Variants in COA8 observed in about 807,000 individuals in gnomAD.
The protein encoded by COA8 is cytochrome c oxidase assembly factor 8.
COA8 carries 20 observed loss-of-function variants against 22.0 expected under a neutral mutation model. The observed-to-expected ratio is 0.91, with a 90% CI of 0.64 to 1.32. COA8 has a LOEUF of 1.32. Among genes scored for constraint, COA8 ranks in the 40% most tolerant of loss-of-function variants. The pLI is 0.00. For missense variants in COA8, 266 were observed against 230.0 expected (o/e 1.16, Z -1.01); for synonymous variants, 105 against 79.9 (o/e 1.31, Z -1.68).
At position 103,587,326 on chromosome 14, in the gene COA8, T is replaced by A. The variant is rs2076315331; in HGVS notation, c.438T>A (p.Phe146Leu). Residue 146 changes from phenylalanine to leucine, a missense_variant, in exon 4 of 5, where the codon TTT (phenylalanine) becomes TTA (leucine). By Grantham distance (22) the Phe-to-Leu change is conservative (BLOSUM62 0). Coordinates refer to ENST00000409074, the MANE Select transcript of COA8 (RefSeq NM_001370595.2). ...AEEMADFYKE[F>L]LSKNFQKHMY... ...AAATGGCGGACTTCTACAAGGAATT[T>A]TTAAGTAAAAATTTTCAGAAGCACA... 1 of 1,613,266 alleles carries A rather than the reference T, an allele frequency of 6.2e-7. No homozygotes were observed. Among genetic ancestry groups the A allele is most frequent in the South Asian group, 1.1e-5 (1 of 91,004 alleles).
Position 103,580,506 on chromosome 14 carries a change from G to GT in COA8, c.385+6342dup, listed in dbSNP as rs1205993628. Among the ~76,000 whole-genome samples, 4 of 149,182 alleles carry GT rather than the reference G, an allele frequency of 2.7e-5. No homozygotes were observed. The East Asian group carries it at 8.0e-4, about 30-fold the overall frequency. ...TTTTTTGTTTTTTGTGGTTTTTTTT[G>GT]TTTTTTGAAGCGGAGTCTCACTCTG... On this transcript the variant is annotated intron_variant, in intron 3 of 4. Coordinates refer to ENST00000409074, the MANE Select transcript of COA8 (RefSeq NM_001370595.2).
At chr14:103,585,841 T>C (rs1160308576) in intron 3 of COA8, among the ~76,000 whole-genome samples, 14 of 152,036 alleles carry the variant, frequency 9.2e-5, no homozygotes. Context: ...CCCAAAGTGC[T>C]GGGATTACAG....
intron 4 of COA8, among the ~76,000 whole-genome samples, chr14:103,589,507 G>T (rs1363429801): frequency 1.3e-5 from 2 of 152,112 alleles, no homozygotes; most frequent in East Asian, 3.8e-4. Context: ...TACTTAAGAG[G>T]CTGAGGCAGA....
chr14:103,583,462 A>G (rs2076282815), intron 3 of COA8, among the ~76,000 whole-genome samples: 1 of 149,848 alleles, frequency 6.7e-6, no homozygotes, highest in Admixed American at 6.8e-5. Context: ...AATTTGCTGG[A>G]ACCCGGGAGG....
At chr14:103,587,507 T>TA in intron 4 of COA8, 143 bp downstream of exon 4, 1 of 485,908 alleles carries the variant, frequency 2.1e-6, no homozygotes, top group Non-Finnish European at 3.6e-6. Context: ...TTTCTTTTTT[T>TA]CTTTTTTTTT....
chr14:103,570,147 G>A (rs898687791), intron 1 of COA8, among the ~76,000 whole-genome samples: 1 of 152,048 alleles, frequency 6.6e-6, no homozygotes, highest in African/African-American at 2.4e-5. Context: ...GTGAGCCACC[G>A]CACCTGGCTA....
At chr14:103,574,425 C>T (rs1401896733) in intron 3 of COA8, 6 of 632,104 alleles carry the variant, frequency 9.5e-6, no homozygotes, top group Non-Finnish European at 1.8e-5. Context: ...TGACCTTTGA[C>T]TTTCGTACTG....
At chr14:103,563,631 T>C (rs920424230) in intron 1 of COA8, among the ~76,000 whole-genome samples, 4 of 152,234 alleles carry the variant, frequency 2.6e-5, no homozygotes, top group Non-Finnish European at 5.9e-5. Context: ...AAAGAATGTC[T>C]GTAGCAAGAA....
Position 103,590,553 on chromosome 14 carries a change from T to C in COA8, c.*267T>C, listed in dbSNP as rs1241094427. 2.4e-5 allele frequency: 9 copies of C among 374,168 alleles called. No individual in the cohort carries two copies. Among genetic ancestry groups the C allele is most frequent in the South Asian group, 3.5e-5 (1 of 28,786 alleles). The allele number at this position is 374,168 out of a possible 1,614,324, so 23.2% of individuals were successfully genotyped here. ...TGCCCGTTTCCTGTGTTTCGAATTATACCAATTCAAAACAGAACTATTTAA... is the reference window on the plus strand; with the variant it reads ...TGCCCGTTTCCTGTGTTTCGAATTACACCAATTCAAAACAGAACTATTTAA... On this transcript the variant is annotated 3_prime_UTR_variant, in exon 5 of 5. Coordinates refer to ENST00000409074, the MANE Select transcript of COA8 (RefSeq NM_001370595.2).
intron 4 of COA8, among the ~76,000 whole-genome samples, chr14:103,587,711 G>C (rs2076319818): frequency 6.6e-6 from 1 of 151,584 alleles, no homozygotes; most frequent in Admixed American, 6.6e-5. Context: ...GTTTCACCGT[G>C]TTAGGCAGGA....
At position 103,575,200 on chromosome 14, in the gene COA8, G is replaced by A. The variant is rs147893724; in HGVS notation, c.385+1030G>A. 1.4e-4 allele frequency among the ~76,000 whole-genome samples: 21 copies of A among 152,360 alleles called. No individual in the cohort carries two copies. The South Asian group carries it at 3.1e-3, about 23-fold the overall frequency. The stretch of plus-strand genomic sequence containing the variant: ...TGCTTGTGTGCACACCACATGTGCC[G>A]TGTCCATAGGTCTGTCATCATATCA... On this transcript the variant is annotated intron_variant, in intron 3 of 4. Coordinates refer to ENST00000409074, the MANE Select transcript of COA8 (RefSeq NM_001370595.2).
intron 1 of COA8, among the ~76,000 whole-genome samples, chr14:103,566,884 G>A (rs1014547806): frequency 1.3e-5 from 2 of 152,232 alleles, no homozygotes; most frequent in African/African-American, 4.8e-5. Context: ...GAGGAGGAGG[G>A]TTGGAACAAG....
chr14:103,577,132 G>A (rs781669259), intron 3 of COA8, among the ~76,000 whole-genome samples: 2 of 152,262 alleles, frequency 1.3e-5, no homozygotes, highest in South Asian at 2.1e-4. Context: ...GTGCAGTGGC[G>A]TGATCTCGGC....
At chr14:103,578,717 C>T (rs2076246598) in intron 3 of COA8, among the ~76,000 whole-genome samples, 1 of 152,174 alleles carries the variant, frequency 6.6e-6, no homozygotes, top group African/African-American at 2.4e-5. Flanking sequence ...GCTTCTGCTG[C>T]TTGTTGAGCC....
At chr14:103,589,862 C>T (rs2076337379) in intron 4 of COA8, among the ~76,000 whole-genome samples, 3 of 151,710 alleles carry the variant, frequency 2.0e-5, no homozygotes, top group African/African-American at 4.8e-5. Context: ...TGCAGTCAGC[C>T]GAGATCGCGC....
chr14:103,583,812 C>T (rs557356767), intron 3 of COA8, among the ~76,000 whole-genome samples: 35 of 152,320 alleles, frequency 2.3e-4, no homozygotes, highest in Admixed American at 1.3e-3. Flanking sequence ...GGCCACTTGT[C>T]CCTCTGCCTG....
chr14:103,583,687 A>G (rs896782176), intron 3 of COA8, among the ~76,000 whole-genome samples: 1 of 151,966 alleles, frequency 6.6e-6, no homozygotes, highest in Admixed American at 6.6e-5. Context: ...GTCTACTTGG[A>G]GTTCATGTCT....
At position 103,566,862 on chromosome 14, in the gene COA8, C is replaced by T. The variant is rs544267135; in HGVS notation, c.123+3738C>T. ...CCACCCTGGGCCTGCCTGTTGGGCA[C>T]CTAACTTCTGAGAGGAGGAGGGTTG... is the stretch of plus-strand genomic sequence containing the variant. On this transcript the variant is annotated intron_variant, in intron 1 of 4. Coordinates refer to ENST00000409074, the MANE Select transcript of COA8 (RefSeq NM_001370595.2). Among the ~76,000 whole-genome samples, 4 of 152,314 alleles carry T rather than the reference C, an allele frequency of 2.6e-5. No individual in the cohort carries two copies. The East Asian group carries it at 7.7e-4, about 29-fold the overall frequency.
intron 1 of COA8, among the ~76,000 whole-genome samples, chr14:103,569,259 C>A (rs138188469): frequency 6.6e-6 from 1 of 152,154 alleles, no homozygotes; most frequent in Non-Finnish European, 1.5e-5. Context: ...TGCTTGTCCT[C>A]GCTTTTAAAT....
Sources: gnomAD v4.1 joint callset for allele counts (sites outside exome capture counted in the v4.1 genomes callset) on GRCh38, gnomAD v4.1.1 for gene constraint, MANE v1.5 for transcripts, NCBI Gene and HGNC (gene_info 2026-07-23, HGNC 2026-07-21) for gene names.